ASS1: variants seen among roughly 807,000 people sequenced by gnomAD.
ASS1 encodes the protein argininosuccinate synthase 1.
Under a neutral mutation model 60.5 loss-of-function variants are expected in ASS1, and 58 were observed. That is an observed-to-expected ratio of 0.96 (90% CI 0.78 to 1.19). The LOEUF is 1.19. ASS1 is among the 50% of genes most tolerant of loss of function. The pLI, the probability that ASS1 is intolerant of heterozygous loss-of-function variation, is 0.00. For synonymous variants in ASS1, 200 were observed against 206.9 expected, an observed-to-expected ratio of 0.97 and a Z score of 0.29; for missense variants, 454 against 547.3, an observed-to-expected ratio of 0.83 and a Z score of 1.70.
chr9:130,458,680 G>T, intron 4 of ASS1, 91 bp downstream of exon 4: 2 of 1,505,448 alleles, frequency 1.3e-6, no homozygotes, highest in Admixed American at 3.9e-5. Flanking sequence ...TTCCTGGTGT[G>T]CCTCCGGGGC....
chr9:130,470,853 C>A lies in ASS1; in HGVS notation c.515C>A (p.Pro172Gln). The A allele has an allele frequency of 6.2e-7, 1 of 1,614,102 alleles. No individual in the cohort carries two copies. Among genetic ancestry groups the A allele is most frequent in the Non-Finnish European group, 8.5e-7 (1 of 1,180,002 alleles). The stretch of plus-strand genomic sequence containing the variant: ...CTGCAGCAACACGGGATTCCCATCC[C>A]GGTCACTCCCAAGAACCCGTGGAGC... ...EYAKQHGIPI[P>Q]VTPKNPWSMD... is the part of the protein sequence containing the mutation. Residue 172 changes from proline to glutamine, a missense_variant, in exon 7 of 15, where the codon CCG (proline) becomes CAG (glutamine). Coordinates refer to ENST00000352480, the MANE Select transcript of ASS1 (RefSeq NM_054012.4). The surrounding 1 kb of genome is among the most constrained non-coding windows in gnomAD (Gnocchi z 4.3).
At chr9:130,448,547 G>A (rs573277581) in intron 1 of ASS1, among the ~76,000 whole-genome samples, 1 of 152,252 alleles carries the variant, frequency 6.6e-6, no homozygotes, top group Non-Finnish European at 1.5e-5. Flanking sequence ...AACCTGGCAG[G>A]CAGGAGGGGC....
chr9:130,452,508 T>C (rs537090677), intron 2 of ASS1, among the ~76,000 whole-genome samples, 175 bp downstream of exon 2: 2 of 152,346 alleles, frequency 1.3e-5, no homozygotes, highest in South Asian at 4.1e-4. Context: ...CTTCTCGTTG[T>C]ACTGCCTCAC....
intron 1 of ASS1, chr9:130,450,389 T>C: frequency 3.1e-6 from 3 of 966,328 alleles, no homozygotes; most frequent in Non-Finnish European, 3.7e-6. Flanking sequence ...CCCTCCATCC[T>C]GCATGGCCAA....
intron 5 of ASS1, 77 bp downstream of exon 5, chr9:130,464,244 G>A: frequency 1.3e-6 from 2 of 1,534,448 alleles, no homozygotes; most frequent in Non-Finnish European, 1.8e-6. Context: ...ACAGGGTTCT[G>A]GGAGATTCCA....
At chr9:130,458,315 TCAGCTAG>T in intron 3 of ASS1, 79 bp from the exon 4 acceptor site, 1 of 1,546,790 alleles carries the variant, frequency 6.5e-7, no homozygotes, top group South Asian at 1.1e-5. Flanking sequence ...CGTATAGGTC[TCAGCTAG>T]CTGAGGCCCC....
intron 13 of ASS1, among the ~76,000 whole-genome samples, chr9:130,496,914 C>G (rs1846618248): frequency 6.6e-6 from 1 of 152,254 alleles, no homozygotes; most frequent in Non-Finnish European, 1.5e-5. Flanking sequence ...GCCAGCCCCT[C>G]CCTCCTGGAG....
At chr9:130,451,392 C>A (rs996554246) in intron 1 of ASS1, among the ~76,000 whole-genome samples, 3 of 152,202 alleles carry the variant, frequency 2.0e-5, no homozygotes, top group Non-Finnish European at 2.9e-5. Flanking sequence ...ATCGCCTTCC[C>A]TCCCTGGGCC....
chr9:130,496,491 T>C (rs1278233400), intron 13 of ASS1, among the ~76,000 whole-genome samples: 1 of 148,912 alleles, frequency 6.7e-6, no homozygotes, highest in African/African-American at 2.5e-5. Context: ...CTCAGGAGGC[T>C]GAGGCAGGAG....
chr9:130,497,421 C>A (rs955897308), intron 13 of ASS1, among the ~76,000 whole-genome samples: 2 of 151,632 alleles, frequency 1.3e-5, no homozygotes, highest in South Asian at 4.1e-4. Context: ...AATTATAGAG[C>A]AGGTCAGAGC....
chr9:130,451,180 G>A (rs750523828), intron 1 of ASS1, among the ~76,000 whole-genome samples: 9 of 152,182 alleles, frequency 5.9e-5, no homozygotes, highest in South Asian at 2.1e-4. Flanking sequence ...GAGAGCCCTC[G>A]GGGAAGAAGC....
At chr9:130,467,399 G>A (rs953605644) in intron 6 of ASS1, among the ~76,000 whole-genome samples, 3 of 152,092 alleles carry the variant, frequency 2.0e-5, no homozygotes, top group African/African-American at 7.2e-5. Context: ...TTAGCGACTC[G>A]ATGGCAGCCC....
At chr9:130,479,166 C>G (rs901439767) in intron 9 of ASS1, among the ~76,000 whole-genome samples, 2 of 152,064 alleles carry the variant, frequency 1.3e-5, no homozygotes, top group Non-Finnish European at 2.9e-5. Context: ...GGGACGCTGC[C>G]GACACCTCGC....
chr9:130,495,199 G>C (rs557213459), intron 13 of ASS1, among the ~76,000 whole-genome samples, 176 bp downstream of exon 13: 137 of 152,276 alleles, frequency 9.0e-4, no homozygotes, highest in Non-Finnish European at 1.3e-3. Context: ...CTAGCTGGGA[G>C]AAAGGCATGG....
chr9:130,444,887 C>G (rs1845159331), upstream of ASS1: 1 of 152,316 alleles, frequency 6.6e-6, no homozygotes, highest in Non-Finnish European at 1.5e-5. This position sits in a 1 kb window ranked among gnomAD's most constrained non-coding sequence, Gnocchi z 4.7. Context: ...CGCGCGTCCC[C>G]GCCACGTGTC....
At chr9:130,451,739 G>T in intron 1 of ASS1, 1 of 420,026 alleles carries the variant, frequency 2.4e-6, no homozygotes, top group South Asian at 1.8e-5. Context: ...AGGTTGTAGT[G>T]GGGGCTCAGG....
chr9:130,482,269 G>A (rs1048776466), intron 11 of ASS1, among the ~76,000 whole-genome samples: 1 of 151,938 alleles, frequency 6.6e-6, no homozygotes, highest in Non-Finnish European at 1.5e-5. Context: ...TCAGTCCCCC[G>A]GGCATGTGGA....
chr9:130,498,763 C>T lies in ASS1; in HGVS notation c.1128-742C>T, dbSNP rs145945090. Among the ~76,000 whole-genome samples the T allele has an allele frequency of 5.6e-4, 85 of 152,234 alleles. No individual in the cohort carries two copies. The East Asian group carries it at 6.4e-3, about 11-fold the overall frequency. ...CTGGTGGCGGGTGGCGGAAACAGGACGCAAACCCCAGTCAGCTGGCTGGAG... is the reference window on the plus strand; with the variant it reads ...CTGGTGGCGGGTGGCGGAAACAGGATGCAAACCCCAGTCAGCTGGCTGGAG... On this transcript the variant is annotated intron_variant, in intron 13 of 14. Transcript: ENST00000352480.
rs1845507027 is a variant in ASS1 at position 130,458,582 on chromosome 9, C to T, written c.356C>T (p.Thr119Ile). 1 of 1,612,590 alleles carries T rather than the reference C, an allele frequency of 6.2e-7. No homozygotes were observed. Among genetic ancestry groups the T allele is most frequent in the Non-Finnish European group, 8.5e-7 (1 of 1,179,774 alleles). The change falls in exon 4 of 15, where the codon ACA becomes ATA. Residue 119 changes from threonine to isoleucine, a missense_variant. Physicochemically the swap from Thr to Ile is moderately conservative, Grantham distance 89. Transcript: ENST00000352480. ...GCCAAGTATGTGTCCCACGGCGCCA[C>T]AGGAAAGGTGAGGCACCTGGGAAGG... ...EGAKYVSHGA[T>I]GKGNDQVRFE...
Sources: gnomAD v4.1 joint callset for allele counts (sites outside exome capture counted in the v4.1 genomes callset) on GRCh38, gnomAD v4.1.1 for gene constraint, Gnocchi (gnomAD v3.1) non-coding constraint, MANE v1.5 for transcripts, NCBI Gene and HGNC (gene_info 2026-07-23, HGNC 2026-07-21) for gene names.